CHRM5: variants seen among roughly 807,000 people sequenced by gnomAD.
The protein encoded by CHRM5 is cholinergic receptor muscarinic 5.
CHRM5 carries 18 observed loss-of-function variants against 39.0 expected under a neutral mutation model. The observed-to-expected ratio is 0.46, with a 90% confidence interval of 0.32 to 0.68. CHRM5 has a LOEUF of 0.68. Ranked by LOEUF, CHRM5 falls within the 30% of genes least tolerant of loss-of-function variation. The pLI, the probability that CHRM5 is intolerant of heterozygous loss-of-function variation, is 0.04. For synonymous variants in CHRM5, 241 were observed against 246.3 expected, an observed-to-expected ratio of 0.98 and a Z score of 0.20; for missense variants, 515 against 651.1, an observed-to-expected ratio of 0.79 and a Z score of 2.28.
intron 1 of CHRM5, among the ~76,000 whole-genome samples, chr15:33,974,096 C>T (rs970546408): frequency 3.9e-5 from 6 of 152,210 alleles, no homozygotes; most frequent in Middle Eastern, 3.4e-3. Flanking sequence ...ATCCCTTATG[C>T]TTTTGCTCTA....
intron 1 of CHRM5, among the ~76,000 whole-genome samples, chr15:34,013,644 G>A (rs1390465963): frequency 6.6e-6 from 1 of 152,162 alleles, no homozygotes; most frequent in Non-Finnish European, 1.5e-5. Flanking sequence ...ACAGTGCTGT[G>A]GGAAACACGG....
intron 1 of CHRM5, among the ~76,000 whole-genome samples, chr15:33,980,298 C>A (rs1444109418): frequency 6.6e-6 from 1 of 152,114 alleles, no homozygotes; most frequent in Non-Finnish European, 1.5e-5. Flanking sequence ...TTTTTGTCAG[C>A]AGCACACCTT....
chr15:34,008,483 CT>C (rs200355232), intron 1 of CHRM5, among the ~76,000 whole-genome samples: 4,983 of 115,748 alleles, frequency 0.043, 4 homozygotes, highest in African/African-American at 0.11. Context: ...GATGAAAAAC[CT>C]TTTTTTTTTT....
At chr15:33,996,304 T>C (rs1240446021) in intron 1 of CHRM5, among the ~76,000 whole-genome samples, 2 of 152,204 alleles carry the variant, frequency 1.3e-5, no homozygotes, top group Admixed American at 1.3e-4. Flanking sequence ...AACGTCCCTG[T>C]CTGACAGCTC....
Position 34,064,330 on chromosome 15 carries a change from C to T in CHRM5, c.*14C>T, listed in dbSNP as rs1173030520. On this transcript the variant is annotated 3_prime_UTR_variant, in exon 3 of 3. Transcript: ENST00000383263. ...AAGCTACCCTGAAAAGTCAACAACT[C>T]CTCTCGAAAGAACAATGACCACAGT... The T allele has an allele frequency of 6.2e-7, 1 of 1,600,262 alleles. No individual in the cohort carries two copies. The highest frequency in any genetic ancestry group is 1.1e-5 in the South Asian group (1 of 88,438).
intron 1 of CHRM5, chr15:34,038,658 G>T: frequency 1.0e-6 from 1 of 960,682 alleles, no homozygotes; most frequent in Non-Finnish European, 1.3e-6. Flanking sequence ...CCGCGCAGGC[G>T]CCGGCGCCGC....
At chr15:33,983,140 G>GTGTGTGTGTGTGTGTGTGTA (rs1555512723) in intron 1 of CHRM5, among the ~76,000 whole-genome samples, 102 of 118,378 alleles carry the variant, frequency 8.6e-4, no homozygotes, top group African/African-American at 4.4e-3. Flanking sequence ...GTGTGTGTGT[G>GTGTGTGTGTGTGTGTGTGTA]TGTGTGTGTG....
At chr15:33,982,095 G>A (rs1324487947) in intron 1 of CHRM5, among the ~76,000 whole-genome samples, 1 of 151,586 alleles carries the variant, frequency 6.6e-6, no homozygotes, top group African/African-American at 2.4e-5. Flanking sequence ...TTGAACTCCT[G>A]ACCTCAGATG....
chr15:34,004,979 A>T (rs1026515972), intron 1 of CHRM5, among the ~76,000 whole-genome samples: 2 of 151,892 alleles, frequency 1.3e-5, no homozygotes, highest in African/African-American at 4.8e-5. Flanking sequence ...CTTAAAAAAA[A>T]TAATGAGCTT....
intron 1 of CHRM5, among the ~76,000 whole-genome samples, chr15:34,005,352 C>T (rs1054023048): frequency 2.8e-4 from 43 of 152,132 alleles, no homozygotes; most frequent in Non-Finnish European, 4.3e-4. Flanking sequence ...TTGAATCTAG[C>T]ACAGTCCCTA....
chr15:34,064,399 T>C lies in CHRM5; in HGVS notation c.*83T>C. On this transcript the variant is annotated 3_prime_UTR_variant, in exon 3 of 3. Transcript: ENST00000383263. ...AGCAAGCTGATTCTGGTTTGTATAT[T>C]TTCAAAAAGAAGACATCTCATTTTG... 6.9e-7 allele frequency: 1 copy of C among 1,441,440 alleles called. No individual in the cohort carries two copies. The highest frequency in any genetic ancestry group is 9.2e-7 in the Non-Finnish European group (1 of 1,087,238). The allele number at this position is 1,441,440 out of a possible 1,614,324, so 89.3% of individuals were successfully genotyped here.
chr15:34,020,127 T>C (rs146752607), intron 1 of CHRM5, among the ~76,000 whole-genome samples: 3,280 of 152,058 alleles, frequency 0.022, 112 homozygotes, highest in African/African-American at 0.073. Context: ...TTGGCTAACA[T>C]GGTGAAACCC....
intron 1 of CHRM5, chr15:34,018,081 T>A (rs1042503213): frequency 1.3e-5 from 2 of 152,238 alleles, no homozygotes; most frequent in Non-Finnish European, 2.9e-5. Flanking sequence ...CTTTTTACCA[T>A]TATTTTAGAG....
intron 1 of CHRM5, among the ~76,000 whole-genome samples, chr15:33,983,164 GTGTGTGTA>G (rs1567447519): frequency 4.1e-4 from 46 of 111,594 alleles, no homozygotes; most frequent in South Asian, 6.4e-4. Flanking sequence ...GTGTGTATGT[GTGTGTGTA>G]TATATACACA....
chr15:34,017,646 A>G (rs2140697426), intron 1 of CHRM5, among the ~76,000 whole-genome samples: 1 of 152,030 alleles, frequency 6.6e-6, no homozygotes, highest in African/African-American at 2.4e-5. Context: ...CACCCAGCTA[A>G]TTTTTGTATT....
chr15:34,042,668 G>A (rs999784077), intron 1 of CHRM5, among the ~76,000 whole-genome samples: 8 of 151,920 alleles, frequency 5.3e-5, no homozygotes, highest in Admixed American at 2.6e-4. Flanking sequence ...CTCCCAAAGT[G>A]CTGGGATTAC....
intron 2 of CHRM5, among the ~76,000 whole-genome samples, chr15:34,060,386 T>C (rs76628114): frequency 0.022 from 3,317 of 152,240 alleles, 97 homozygotes; most frequent in African/African-American, 0.054. Context: ...CGATTCCATA[T>C]TGAATTTGAG....
chr15:34,037,144 C>T (rs2140787477), intron 1 of CHRM5, among the ~76,000 whole-genome samples: 1 of 152,032 alleles, frequency 6.6e-6, no homozygotes, highest in African/African-American at 2.4e-5. Flanking sequence ...ATCATTTCAC[C>T]CAATTTAATT....
intron 1 of CHRM5, among the ~76,000 whole-genome samples, chr15:34,029,641 T>C (rs977428476): frequency 1.6e-4 from 24 of 151,902 alleles, no homozygotes; most frequent in African/African-American, 5.8e-4. Flanking sequence ...ACACAACACT[T>C]GGGAATGGAG....
Sources: allele counts gnomAD v4.1 joint callset (sites outside exome capture counted in the v4.1 genomes callset), GRCh38; gene constraint gnomAD v4.1.1; transcripts MANE v1.5; gene names NCBI Gene and HGNC (gene_info 2026-07-23, HGNC 2026-07-21).